ZNF385D: variants seen among roughly 807,000 people sequenced by gnomAD.
ZNF385D encodes the protein zinc finger protein 385D, also known as zinc finger protein 659.
ZNF385D carries 15 observed loss-of-function variants against 35.8 expected under a neutral mutation model. The ratio of observed to expected loss-of-function variants is 0.42; its 90% CI spans 0.28 to 0.64. ZNF385D has a LOEUF of 0.64. Ranked by LOEUF, ZNF385D falls within the 30% of genes least tolerant of loss-of-function variation. ZNF385D has a pLI of 0.23. For missense variants in ZNF385D, 474 were observed against 494.6 expected (o/e 0.96, Z 0.39); for synonymous variants, 212 against 186.8 (o/e 1.13, Z -1.10).
intron 1 of ZNF385D, among the ~76,000 whole-genome samples, chr3:21,750,564 C>A (rs904977011): frequency 6.6e-6 from 1 of 152,184 alleles, no homozygotes. Flanking sequence ...TAAGTTAGCT[C>A]ATGACTTCCC....
At chr3:21,960,214 A>ACACACACACACACACACACC (rs1270627846) in intron 3 of ZNF385D, among the ~76,000 whole-genome samples, 1 of 151,314 alleles carries the variant, frequency 6.6e-6, no homozygotes, top group African/African-American at 2.4e-5. Flanking sequence ...ACACACACAC[A>ACACACACACACACACACACC]CCCTCCCCAA....
At chr3:22,279,505 T>A (rs1475043509) in intron 2 of ZNF385D, among the ~76,000 whole-genome samples, 1 of 138,648 alleles carries the variant, frequency 7.2e-6, no homozygotes, top group African/African-American at 3.0e-5. Flanking sequence ...CATATGTACA[T>A]ATATATGTAT....
At position 21,973,434 on chromosome 3, in the gene ZNF385D, C is replaced by G. The variant is rs111496319; in HGVS notation, c.325+195383G>C. Reference sequence around the variant, plus strand: ...GAACATACCTCAACATAATAAAAGTCATATATGACAGACTCACCGCTAGTA... The same window carrying G: ...GAACATACCTCAACATAATAAAAGTGATATATGACAGACTCACCGCTAGTA... On this transcript the variant is annotated intron_variant, in intron 3 of 5. Transcript: ENST00000494108. 3.9e-5 allele frequency among the ~76,000 whole-genome samples: 6 copies of G among 152,018 alleles called. 1 individual carries two copies. The highest frequency in any genetic ancestry group is 1.4e-4 in the African/African-American group (6 of 41,524).
intron 1 of ZNF385D, among the ~76,000 whole-genome samples, chr3:21,696,763 G>A (rs1171993740): frequency 2.6e-5 from 4 of 152,134 alleles, no homozygotes. Context: ...GCTTTATTGT[G>A]GGGGAAAATC....
At chr3:21,702,587 T>C (rs2125386814) in intron 1 of ZNF385D, among the ~76,000 whole-genome samples, 1 of 152,340 alleles carries the variant, frequency 6.6e-6, no homozygotes, top group Admixed American at 6.5e-5. Context: ...CATCAAAAAA[T>C]GGGTTTTTCT....
chr3:21,822,341 G>C (rs1345912992), intron 3 of ZNF385D, among the ~76,000 whole-genome samples: 2 of 152,064 alleles, frequency 1.3e-5, no homozygotes, highest in South Asian at 4.1e-4. Flanking sequence ...CAAAGTGCTG[G>C]GAGTACAGGT....
chr3:22,024,642 T>C (rs1697428166), intron 3 of ZNF385D, among the ~76,000 whole-genome samples: 1 of 152,174 alleles, frequency 6.6e-6, no homozygotes. Flanking sequence ...GCACTGATAG[T>C]GCTTGGCATG....
chr3:21,814,224 G>A (rs969675380), intron 3 of ZNF385D, among the ~76,000 whole-genome samples: 3 of 152,070 alleles, frequency 2.0e-5, no homozygotes, highest in Non-Finnish European at 4.4e-5. Flanking sequence ...AGGAACAACT[G>A]GTACCAGCCA....
rs78677608 is a variant in ZNF385D, at chr3:22,062,785, C to A, written c.325+106032G>T. Among the ~76,000 whole-genome samples, 774 of 152,228 alleles carry A rather than the reference C, an allele frequency of 5.1e-3. 1 individual carries two copies. The highest frequency in any genetic ancestry group is 8.7e-3 in the Non-Finnish European group (593 of 68,016). On this transcript the variant is annotated intron_variant, in intron 3 of 5. Coordinates refer to the ZNF385D transcript ENST00000494108. ...CTCCTTGCTGTATCTCTGGAAGATG[C>A]CAGCTGCCATGCAGTGAGGACATAC... is the stretch of plus-strand genomic sequence containing the variant.
rs781374099 is a variant in ZNF385D, at chr3:21,418,412, T to C, written c.*2802A>G. On this transcript the variant is annotated 3_prime_UTR_variant, in exon 8 of 8. Transcript: ENST00000281523. ...TGTGGGGGAAACAACTCACAGAGAA[T>C]CCACTGTAAGTTCTGTGGTTAGGCT... 6.6e-6 allele frequency: 1 copy of C among 152,184 alleles called. No individual in the cohort carries two copies. Among genetic ancestry groups the C allele is most frequent in the Non-Finnish European group, 1.5e-5 (1 of 68,018 alleles). The allele number at this position is 152,184 out of a possible 1,614,324, so 9.4% of individuals were successfully genotyped here. A position where few individuals can be genotyped will look rare whatever the true frequency, so the allele number is the denominator to read the frequency against.
At chr3:21,750,645 C>A (rs766621074) in intron 1 of ZNF385D, among the ~76,000 whole-genome samples, 7 of 151,384 alleles carry the variant, frequency 4.6e-5, no homozygotes, top group Non-Finnish European at 8.8e-5. Context: ...GCAAAGTTTA[C>A]CCCCCCGCCC....
intron 3 of ZNF385D, among the ~76,000 whole-genome samples, chr3:21,549,308 A>G (rs564167643): frequency 2.6e-5 from 4 of 152,294 alleles, no homozygotes; most frequent in African/African-American, 9.6e-5. Context: ...AAAGCCTGCC[A>G]AAGAAGCACA....
chr3:21,587,497 C>T (rs2063846283), intron 2 of ZNF385D, among the ~76,000 whole-genome samples: 1 of 152,072 alleles, frequency 6.6e-6, no homozygotes, highest in East Asian at 1.9e-4. Flanking sequence ...CACAGACCAT[C>T]ATATGAATAA....
At chr3:22,034,999 T>A (rs1226997300) in intron 3 of ZNF385D, among the ~76,000 whole-genome samples, 1 of 152,206 alleles carries the variant, frequency 6.6e-6, no homozygotes, top group Non-Finnish European at 1.5e-5. Flanking sequence ...ACAATTTTTA[T>A]ATTGTTTTGT....
chr3:22,265,572 A>T (rs1178022417), intron 2 of ZNF385D, among the ~76,000 whole-genome samples: 1 of 151,964 alleles, frequency 6.6e-6, no homozygotes, highest in East Asian at 1.9e-4. Flanking sequence ...TCAACCTAAC[A>T]CACGCTATCA....
In ZNF385D at chr3:22,212,836, T is replaced by A. The variant is rs80176131; in HGVS notation, c.107-43801A>T. ...TTCGCTTGTTATCTTATTTATGGCC[T>A]TTCTGAGAAGAAATTATTAAGTAAT... is the stretch of plus-strand genomic sequence containing the variant. On this transcript the variant is annotated intron_variant, in intron 2 of 5. Coordinates refer to the ZNF385D transcript ENST00000494108. 6.8e-3 allele frequency among the ~76,000 whole-genome samples: 1,033 copies of A among 152,080 alleles called. 6 individuals are homozygous for A. The highest frequency in any genetic ancestry group is 0.023 in the African/African-American group (965 of 41,540).
chr3:21,729,002 CA>C (rs2068883059), intron 1 of ZNF385D, among the ~76,000 whole-genome samples: 1 of 152,182 alleles, frequency 6.6e-6, no homozygotes, highest in Non-Finnish European at 1.5e-5. Context: ...AGCACATATG[CA>C]AGGAACCTAC....
chr3:21,852,144 G>A (rs3843880), intron 3 of ZNF385D, among the ~76,000 whole-genome samples: 2,243 of 151,912 alleles, frequency 0.015, 81 homozygotes, highest in Admixed American at 0.085. Context: ...TATGAGCATC[G>A]GGTTTTTAGT....
intron 3 of ZNF385D, among the ~76,000 whole-genome samples, chr3:21,918,278 A>G (rs1221176756): frequency 6.6e-6 from 1 of 152,194 alleles, no homozygotes; most frequent in Non-Finnish European, 1.5e-5. Context: ...TAAGTGTGTA[A>G]ACAGAAAAGT....
Sources: allele counts gnomAD v4.1 joint callset (sites outside exome capture counted in the v4.1 genomes callset), GRCh38; gene constraint gnomAD v4.1.1; transcripts MANE v1.5; gene names NCBI Gene and HGNC (gene_info 2026-07-23, HGNC 2026-07-21).